ZNF668: variants seen among roughly 807,000 people sequenced by gnomAD.
The protein encoded by ZNF668 is zinc finger protein 668.
A neutral mutation model predicts 40.3 loss-of-function variants in ZNF668; 10 were observed. The ratio of observed to expected loss-of-function variants is 0.25; its 90% CI spans 0.15 to 0.42. ZNF668 has a LOEUF of 0.42. ZNF668 is among the 10% of genes least tolerant of loss of function. The probability of loss-of-function intolerance (pLI) is 1.00; values close to 1 mark genes in which losing one functional copy is unlikely to be tolerated. For missense variants in ZNF668, 749 were observed against 904.6 expected (o/e 0.83, Z 2.21); for synonymous variants, 428 against 384.6 (o/e 1.11, Z -1.32).
chr16:31,065,973 G>A, intron 1 of ZNF668: 1 of 971,252 alleles, frequency 1.0e-6, no homozygotes, highest in South Asian at 4.8e-5. Flanking sequence ...GGGTGCTAGG[G>A]GAAATACAGA....
intron 2 of ZNF668, 186 bp from the exon 3 acceptor site, chr16:31,062,466 G>A: frequency 1.2e-6 from 1 of 803,354 alleles, no homozygotes; most frequent in South Asian, 1.9e-5. Flanking sequence ...CTATTCCAAA[G>A]ACCTGTCTCT....
chr16:31,067,402 T>G (rs2056987028), intron 1 of ZNF668, among the ~76,000 whole-genome samples: 1 of 152,040 alleles, frequency 6.6e-6, no homozygotes, highest in Non-Finnish European at 1.5e-5. Flanking sequence ...AGAGAAATGG[T>G]TCAGTATTTT....
Position 31,061,425 on chromosome 16 carries a change from T to C in ZNF668, c.1503A>G (p.Ala501=). The C allele has an allele frequency of 6.2e-7, 1 of 1,613,966 alleles. No individual in the cohort carries two copies. Among genetic ancestry groups the C allele is most frequent in the South Asian group, 1.1e-5 (1 of 91,088 alleles). The change falls in exon 3 of 3, where the codon GCA becomes GCG. Residue 501 remains alanine (A), a synonymous_variant. Coordinates refer to ENST00000300849, the MANE Select transcript of ZNF668 (RefSeq NM_024706.5). The surrounding 1 kb of genome is among the most constrained non-coding windows in gnomAD (Gnocchi z 7.7). ...VREAPGPLEG[A]GEAGGEEADE... ...CAGCCTCCTCACCCCCCGCCTCGCC[T>C]GCCCCTTCCAAGGGACCAGGAGCCT...
Position 31,063,942 on chromosome 16 carries a change from C to T in ZNF668, c.518G>A (p.Cys173Tyr). Residue 173 changes from cysteine (C) to tyrosine (Y), a missense_variant, in exon 2 of 3, where the codon TGC becomes TAC. Cys to Tyr is a radical substitution (Grantham distance 194). Around this residue, in one of 4 missense-constraint regions of ZNF668, gnomAD observed 151 missense variants for 178.6 expected, o/e 0.85. Coordinates refer to ENST00000300849, the MANE Select transcript of ZNF668 (RefSeq NM_024706.5). The stretch of plus-strand genomic sequence containing the variant: ...TGAAGGGTCAGCAAAGCTCTTGCCG[C>T]AGTCGGCGCAGGCGTAAGGCCGCTC... ...TGERPYACADCGKSFADPSVF... is the reference protein window; with the variant it reads ...TGERPYACADYGKSFADPSVF... 6.2e-7 allele frequency: 1 copy of T among 1,603,378 alleles called. No individual in the cohort carries two copies. Among genetic ancestry groups the T allele is most frequent in the Non-Finnish European group, 8.5e-7 (1 of 1,175,498 alleles).
rs75415004 is a variant in ZNF668 at position 31,061,820 on chromosome 16, C to T, written c.1108G>A (p.Gly370Arg). ...CTGGCACGCTCGGCGAAGGCTCGCC[C>T]GCACTCCTCACAGCGGAAGGGCCGC... ...GQRPFRCEEC[G>R]RAFAERASLT... Residue 370 changes from glycine to arginine, a missense_variant, in exon 3 of 3, where the codon GGG becomes AGG. This residue lies in a region of ZNF668 where 310 missense variants were observed against 355.1 expected (regional missense o/e 0.87). Transcript: ENST00000300849. The surrounding 1 kb of genome is among the most constrained non-coding windows in gnomAD (Gnocchi z 7.7). 4 of 1,612,950 alleles carry T rather than the reference C, an allele frequency of 2.5e-6. No homozygotes were observed. Among genetic ancestry groups the T allele is most frequent in the Admixed American group, 1.7e-5 (1 of 59,998 alleles).
At chr16:31,064,719 A>G in intron 1 of ZNF668, 1 of 1,530,772 alleles carries the variant, frequency 6.5e-7, no homozygotes, top group Non-Finnish European at 8.7e-7. Flanking sequence ...CAAAAGATTC[A>G]CCTACACGTC....
At position 31,073,924 on chromosome 16, in the gene ZNF668, G is replaced by A. The variant is rs922604657; in HGVS notation, c.-288C>T. The A allele has an allele frequency of 6.6e-6, 1 of 152,236 alleles. No homozygotes were observed. Among genetic ancestry groups the A allele is most frequent in the African/African-American group, 2.4e-5 (1 of 41,458 alleles). The allele number at this position is 152,236 out of a possible 1,614,324, so 9.4% of individuals were successfully genotyped here. A position where few individuals can be genotyped will look rare whatever the true frequency, so the allele number is the denominator to read the frequency against. On this transcript the variant is annotated 5_prime_UTR_variant, in exon 1 of 3. Coordinates refer to ENST00000300849, the MANE Select transcript of ZNF668 (RefSeq NM_024706.5). Reference sequence around the variant, plus strand: ...GCAAGGGGACGCCAGGCAGGCTGACGGTATACGCCCGCCTTGTGTTAGTCT... The same window carrying A: ...GCAAGGGGACGCCAGGCAGGCTGACAGTATACGCCCGCCTTGTGTTAGTCT...
At chr16:31,070,154 G>A (rs2057005816) in intron 1 of ZNF668, among the ~76,000 whole-genome samples, 1 of 151,602 alleles carries the variant, frequency 6.6e-6, no homozygotes, top group African/African-American at 2.4e-5. Flanking sequence ...TATTGACCTC[G>A]TGATCCGCCC....
Position 31,061,387 on chromosome 16 carries a change from G to C in ZNF668, c.1541C>G (p.Pro514Arg). ...CTTGCACTCTCGGCACACAAACTGG[G>C]GGGGCTTCTCGTCAGCCTCCTCACC... ...AGGEEADEKP[P>R]QFVCRECKET... is the part of the protein sequence containing the mutation. Residue 514 changes from proline to arginine, a missense_variant, in exon 3 of 3, where the codon CCC becomes CGC. Around this residue, in one of 4 missense-constraint regions of ZNF668, gnomAD observed 310 missense variants for 355.1 expected, o/e 0.87. Coordinates refer to ENST00000300849, the MANE Select transcript of ZNF668 (RefSeq NM_024706.5). The surrounding 1 kb of genome is among the most constrained non-coding windows in gnomAD (Gnocchi z 7.7). 6.2e-7 allele frequency: 1 copy of C among 1,613,748 alleles called. No homozygotes were observed.
intron 2 of ZNF668, 108 bp from the exon 3 acceptor site, chr16:31,062,388 G>A: frequency 1.4e-6 from 2 of 1,436,358 alleles, no homozygotes; most frequent in Non-Finnish European, 1.8e-6. Context: ...TGGGGGCCTA[G>A]GCTTAATCCC....
intron 1 of ZNF668, among the ~76,000 whole-genome samples, chr16:31,072,535 A>G (rs1295754884): frequency 6.6e-6 from 1 of 152,230 alleles, no homozygotes; most frequent in Non-Finnish European, 1.5e-5. Context: ...CAAAGATTCA[A>G]TTTCCAAAAA....
chr16:31,061,590 C>T lies in ZNF668; in HGVS notation c.1338G>A (p.Pro446=), dbSNP rs200605496. 47 of 1,608,978 alleles carry T rather than the reference C, an allele frequency of 2.9e-5. No individual in the cohort carries two copies. Among genetic ancestry groups the T allele is most frequent in the Middle Eastern group, 3.3e-4 (2 of 6,060 alleles). ...VGVAGESSAA[P]AAGAGLGDPP... ...GGTCCCCCAGCCCCGCCCCTGCTGC[C>T]GGGGCGGCTGAACTCTCACCTGCCA... is the stretch of plus-strand genomic sequence containing the variant. Residue 446 remains proline, a synonymous_variant, in exon 3 of 3, where the codon CCG becomes CCA. Coordinates refer to ENST00000300849, the MANE Select transcript of ZNF668 (RefSeq NM_024706.5). The surrounding 1 kb of genome is among the most constrained non-coding windows in gnomAD (Gnocchi z 7.7).
At chr16:31,068,959 C>G (rs1366393709) in intron 1 of ZNF668, 1 of 152,106 alleles carries the variant, frequency 6.6e-6, no homozygotes, top group East Asian at 1.9e-4. Flanking sequence ...CACGAGCTCT[C>G]AGGAGAGGAG....
intron 1 of ZNF668, among the ~76,000 whole-genome samples, chr16:31,069,527 T>C (rs2143775742): frequency 6.6e-6 from 1 of 152,226 alleles, no homozygotes; most frequent in African/African-American, 2.4e-5. Context: ...AAGAGCTTTC[T>C]TGACCACCTT....
At chr16:31,065,039 G>C (rs879664999) in intron 1 of ZNF668, 58 of 1,097,958 alleles carry the variant, frequency 5.3e-5, no homozygotes, top group African/African-American at 1.5e-4. Context: ...TGTTCACACA[G>C]AATTCTGGCC....
chr16:31,061,373 G>C lies in ZNF668; in HGVS notation c.1555C>G (p.Arg519Gly). ...ADEKPPQFVC[R>G]ECKETFSTMT... Reference sequence around the variant, plus strand: ...GTGGAGAAGGTCTCCTTGCACTCTCGGCACACAAACTGGGGGGGCTTCTCG... The same window carrying C: ...GTGGAGAAGGTCTCCTTGCACTCTCCGCACACAAACTGGGGGGGCTTCTCG... Residue 519 changes from arginine (R) to glycine (G), a missense_variant, in exon 3 of 3, where the codon CGA becomes GGA. By Grantham distance (125) the Arg-to-Gly change is moderately radical (BLOSUM62 -2). Transcript: ENST00000300849. The surrounding 1 kb of genome is among the most constrained non-coding windows in gnomAD (Gnocchi z 7.7). 6.2e-7 allele frequency: 1 copy of C among 1,613,594 alleles called. No individual in the cohort carries two copies. Among genetic ancestry groups the C allele is most frequent in the Non-Finnish European group, 8.5e-7 (1 of 1,179,768 alleles).
chr16:31,070,636 G>C (rs762279052), intron 1 of ZNF668, among the ~76,000 whole-genome samples: 17 of 152,006 alleles, frequency 1.1e-4, no homozygotes, highest in Non-Finnish European at 2.5e-4. Context: ...CGCCTCCCCG[G>C]TTCACGAGAT....
Position 31,062,068 on chromosome 16 carries a change from C to G in ZNF668, c.860G>C (p.Arg287Pro). 1 of 1,613,080 alleles carries G rather than the reference C, an allele frequency of 6.2e-7. No individual in the cohort carries two copies. Among genetic ancestry groups the G allele is most frequent in the Non-Finnish European group, 8.5e-7 (1 of 1,179,658 alleles). ...GAAGCTCGAGGGGTCGGAGAACATG[C>G]GGCCGCAGCGCGGGCACAGGAAGGG... is the stretch of plus-strand genomic sequence containing the variant. ...EKPFLCPRCG[R>P]MFSDPSSFRR... Residue 287 changes from arginine (R) to proline (P), a missense_variant, in exon 3 of 3, where the codon CGC becomes CCC. Arg to Pro is a moderately radical substitution (Grantham distance 103, BLOSUM62 -2). Around this residue, in one of 4 missense-constraint regions of ZNF668, gnomAD observed 129 missense variants for 231.2 expected, o/e 0.56. Coordinates refer to ENST00000300849, the MANE Select transcript of ZNF668 (RefSeq NM_024706.5).
rs777346108 is a variant in ZNF668, at chr16:31,064,463, C to T, written c.-4G>A. 1.2e-6 allele frequency: 2 copies of T among 1,608,860 alleles called. No homozygotes were observed. Among genetic ancestry groups the T allele is most frequent in the Non-Finnish European group, 1.7e-6 (2 of 1,179,816 alleles). Reference sequence around the variant, plus strand: ...CCTCTGCAGCCTCCACTTCCATGGCCTTGGTGAACGGGGTTTCTCTGCAAG... The same window carrying T: ...CCTCTGCAGCCTCCACTTCCATGGCTTTGGTGAACGGGGTTTCTCTGCAAG... On this transcript the variant is annotated 5_prime_UTR_variant, in exon 2 of 3. Coordinates refer to ENST00000300849, the MANE Select transcript of ZNF668 (RefSeq NM_024706.5).
Sources: allele counts gnomAD v4.1 joint callset (sites outside exome capture counted in the v4.1 genomes callset), GRCh38; gene constraint gnomAD v4.1.1; regional missense constraint gnomAD v4.1.1; non-coding constraint Gnocchi (gnomAD v3.1); transcripts MANE v1.5; gene names NCBI Gene and HGNC (gene_info 2026-07-23, HGNC 2026-07-21).